Variants in LIPK observed in about 807,000 individuals in gnomAD.
LIPK encodes the protein lipase family member K, also known as lipase member K.
LIPK carries 32 observed loss-of-function variants against 48.6 expected under a neutral mutation model. That is an observed-to-expected ratio of 0.66 (90% CI 0.50 to 0.88). The LOEUF (loss-of-function observed/expected upper bound fraction) is 0.88, where lower values mean the gene tolerates loss of function less well. Ranked by LOEUF, LIPK falls within the 40% of genes least tolerant of loss-of-function variation. The pLI, the probability that LIPK is intolerant of heterozygous loss-of-function variation, is 0.00. For synonymous variants in LIPK, 164 were observed against 157.4 expected, an observed-to-expected ratio of 1.04 and a Z score of -0.32; for missense variants, 507 against 478.5, an observed-to-expected ratio of 1.06 and a Z score of -0.56.
At chr10:88,726,087 C>CT (rs772615185) in intron 2 of LIPK, among the ~76,000 whole-genome samples, 1 of 151,904 alleles carries the variant, frequency 6.6e-6, no homozygotes, top group Non-Finnish European at 1.5e-5. Context: ...GCTTCCTCCC[C>CT]TCTTCTTTCA....
chr10:88,726,705 A>C (rs1004747095), intron 2 of LIPK, 90 bp from the exon 3 acceptor site: 1 of 730,686 alleles, frequency 1.4e-6, no homozygotes, highest in Admixed American at 2.4e-5. Flanking sequence ...ACAAACAAAC[A>C]AACAGACAAA....
chr10:88,742,575 C>T (rs1275612109), intron 8 of LIPK, among the ~76,000 whole-genome samples: 3 of 152,088 alleles, frequency 2.0e-5, no homozygotes, highest in African/African-American at 7.2e-5. Context: ...TATGCATGAC[C>T]TTATATTCTA....
chr10:88,741,146 A>AT (rs951444673), intron 8 of LIPK, among the ~76,000 whole-genome samples: 22 of 152,208 alleles, frequency 1.4e-4, no homozygotes, highest in African/African-American at 4.3e-4. Flanking sequence ...TATTATAACA[A>AT]TTTTTTAGTA....
chr10:88,748,328 T>C (rs1011226833), intron 9 of LIPK, among the ~76,000 whole-genome samples: 8 of 152,116 alleles, frequency 5.3e-5, no homozygotes, highest in African/African-American at 1.9e-4. Context: ...CAAACTACCA[T>C]GGCATATGTA....
intron 9 of LIPK, among the ~76,000 whole-genome samples, chr10:88,751,502 G>T (rs1056412899): frequency 2.6e-5 from 4 of 152,116 alleles, no homozygotes; most frequent in African/African-American, 9.7e-5. Context: ...TGGGATTACA[G>T]GCGTGAGCCA....
chr10:88,724,527 T>C lies in LIPK; in HGVS notation c.-11-6T>C. On this transcript the variant is annotated splice_region_variant and splice_polypyrimidine_tract_variant and intron_variant, in intron 1 of 9. Coordinates refer to ENST00000404190, the MANE Select transcript of LIPK (RefSeq NM_001080518.2). The stretch of plus-strand genomic sequence containing the variant: ...GATGACAAATATATTAAATTTCCTT[T>C]CCTAGGCAGATCCCAAATGTGGCAG... 6.5e-7 allele frequency: 1 copy of C among 1,540,788 alleles called. No homozygotes were observed. The highest frequency in any genetic ancestry group is 8.9e-7 in the Non-Finnish European group (1 of 1,126,910).
intron 1 of LIPK, among the ~76,000 whole-genome samples, chr10:88,717,881 GTT>G (rs111612883): frequency 3.5e-4 from 51 of 146,334 alleles, no homozygotes; most frequent in African/African-American, 1.1e-3. Flanking sequence ...ATTATTTAAT[GTT>G]TTTTTTTTTC....
chr10:88,751,037 A>G (rs1842854516), intron 9 of LIPK, among the ~76,000 whole-genome samples: 1 of 152,230 alleles, frequency 6.6e-6, no homozygotes, highest in South Asian at 2.1e-4. Flanking sequence ...CTTTTTAAAT[A>G]CCATTATATG....
chr10:88,735,194 T>G (rs552614084), intron 6 of LIPK, among the ~76,000 whole-genome samples: 4 of 152,354 alleles, frequency 2.6e-5, no homozygotes, highest in African/African-American at 9.6e-5. Context: ...ATTGATAGAA[T>G]GAGTAGAGTT....
intron 6 of LIPK, 75 bp from the exon 7 acceptor site, chr10:88,737,557 CCTT>C: frequency 2.0e-6 from 3 of 1,467,608 alleles, no homozygotes; most frequent in Non-Finnish European, 2.8e-6. Context: ...ACTGTGCAGT[CCTT>C]CTTTGAACTA....
chr10:88,718,011 C>G (rs1842152338), intron 1 of LIPK, among the ~76,000 whole-genome samples: 1 of 151,344 alleles, frequency 6.6e-6, no homozygotes, highest in Admixed American at 6.6e-5. Context: ...TTTTGTTTAG[C>G]CTTCTTAAGA....
chr10:88,728,580 C>T (rs1842395172), intron 3 of LIPK: 1 of 458,528 alleles, frequency 2.2e-6, no homozygotes, highest in African/African-American at 2.0e-5. Context: ...GCCGTAGCTT[C>T]ACCGGAACCT....
chr10:88,744,518 G>C (rs1194898934), intron 9 of LIPK, among the ~76,000 whole-genome samples: 1 of 152,180 alleles, frequency 6.6e-6, no homozygotes, highest in African/African-American at 2.4e-5. Flanking sequence ...CAGGAGTGCT[G>C]AGCTGAGCCC....
At chr10:88,746,886 TAAAG>T (rs1395897829) in intron 9 of LIPK, among the ~76,000 whole-genome samples, 1 of 151,786 alleles carries the variant, frequency 6.6e-6, no homozygotes, top group South Asian at 2.1e-4. Context: ...TAATAAATAA[TAAAG>T]AGAGAAGATT....
At chr10:88,749,305 G>A (rs778979399) in intron 9 of LIPK, among the ~76,000 whole-genome samples, 1 of 152,148 alleles carries the variant, frequency 6.6e-6, no homozygotes, top group Non-Finnish European at 1.5e-5. Context: ...AGCCTGAATA[G>A]TCAAGGCAAT....
At position 88,732,448 on chromosome 10, in the gene LIPK, C is replaced by T; in HGVS notation, c.566C>T (p.Ala189Val). 2 of 1,613,508 alleles carry T rather than the reference C, an allele frequency of 1.2e-6. No homozygotes were observed. Among genetic ancestry groups the T allele is most frequent in the African/African-American group, 2.7e-5 (2 of 75,020 alleles). The change falls in exon 6 of 10, where the codon GCT becomes GTT. Residue 189 changes from alanine (A) to valine (V), a missense_variant. Physicochemically the swap from Ala to Val is moderately conservative, Grantham distance 64 (BLOSUM62 0). Coordinates refer to ENST00000404190, the MANE Select transcript of LIPK (RefSeq NM_001080518.2). ...GCATTTTCTACAAACCCAGAACTGG[C>T]TAAAAAGATTAAGATATTTTTTGCA... is the stretch of plus-strand genomic sequence containing the variant. Reference protein sequence around the residue: ...FIAFSTNPELAKKIKIFFALA... With the variant: ...FIAFSTNPELVKKIKIFFALA...
chr10:88,726,155 T>C (rs575270701), intron 2 of LIPK, among the ~76,000 whole-genome samples: 22 of 152,312 alleles, frequency 1.4e-4, no homozygotes, highest in Non-Finnish European at 3.1e-4. Context: ...CAATTCCCTG[T>C]GGTTTCCCTC....
At chr10:88,724,780 T>C in intron 2 of LIPK, 132 bp downstream of exon 2, 3 of 635,900 alleles carry the variant, frequency 4.7e-6, no homozygotes, top group Non-Finnish European at 2.7e-6. Flanking sequence ...CCTCTCCTGT[T>C]TCTTGATATG....
chr10:88,737,164 CTTTAA>C (rs1289318880), intron 6 of LIPK, among the ~76,000 whole-genome samples: 2 of 152,130 alleles, frequency 1.3e-5, no homozygotes, highest in Non-Finnish European at 2.9e-5. Context: ...TTAATTTATA[CTTTAA>C]TTAAATAATA....
Sources: gnomAD v4.1 joint callset for allele counts (sites outside exome capture counted in the v4.1 genomes callset) on GRCh38, gnomAD v4.1.1 for gene constraint, MANE v1.5 for transcripts, NCBI Gene and HGNC (gene_info 2026-07-23, HGNC 2026-07-21) for gene names.